The following WBP2NL variants were observed in gnomAD, a reference collection of about 807,000 sequenced individuals.
WBP2NL encodes postacrosomal sheath WW domain-binding protein.
WBP2NL carries 27 observed loss-of-function variants against 23.3 expected under a neutral mutation model. The observed-to-expected ratio is 1.16, with a 90% CI of 0.85 to 1.60. The LOEUF (loss-of-function observed/expected upper bound fraction) is 1.60. Among genes scored for constraint, WBP2NL ranks in the 40% most tolerant of loss-of-function variants. The pLI, the probability that WBP2NL is intolerant of heterozygous loss-of-function variation, is 0.00. For missense variants in WBP2NL, 370 were observed against 389.5 expected (o/e 0.95, Z 0.42); for synonymous variants, 151 against 145.9 (o/e 1.03, Z -0.25).
rs2146803758 is a variant in WBP2NL, at chr22:42,027,917, G to C, written c.*736G>C. The C allele has an allele frequency of 7.5e-6, 3 of 398,438 alleles. No individual in the cohort carries two copies. Among genetic ancestry groups the C allele is most frequent in the East Asian group, 3.6e-5 (1 of 28,030 alleles). The allele number at this position is 398,438 out of a possible 1,614,324, so 24.7% of individuals were successfully genotyped here. ...AATAACCAAGGCAATAGCATGGCCA[G>C]AAAACGTTTGAAAAGATGTTCAGCT... On this transcript the variant is annotated 3_prime_UTR_variant, in exon 6 of 6. Transcript: ENST00000328823.
At chr22:42,002,070 T>C in intron 1 of WBP2NL, 1 of 447,952 alleles carries the variant, frequency 2.2e-6, no homozygotes, top group Non-Finnish European at 3.9e-6. Flanking sequence ...TTTGGGTGTC[T>C]TCTCACTCGG....
At chr22:42,024,407 C>G (rs1602464315) in intron 5 of WBP2NL, among the ~76,000 whole-genome samples, 1 of 152,106 alleles carries the variant, frequency 6.6e-6, no homozygotes, top group East Asian at 1.9e-4. Context: ...TTTGAGGAAC[C>G]ACCAACTATT....
intron 5 of WBP2NL, 95 bp downstream of exon 5, chr22:42,022,451 G>A: frequency 8.8e-7 from 1 of 1,131,024 alleles, no homozygotes; most frequent in African/African-American, 1.6e-5. Flanking sequence ...TGCAGGAGCA[G>A]CAGCAGAGCT....
At chr22:42,020,893 TATATATATATATATA>T (rs1309883651) in intron 4 of WBP2NL, among the ~76,000 whole-genome samples, 30 of 64,158 alleles carry the variant, frequency 4.7e-4, no homozygotes, top group Middle Eastern at 5.7e-3. Flanking sequence ...TATATATATA[TATATATATATATATA>T]TTTTTTTTTT....
chr22:42,027,429 T>C lies in WBP2NL; in HGVS notation c.*248T>C. 1 of 476,856 alleles carries C rather than the reference T, an allele frequency of 2.1e-6. No individual in the cohort carries two copies. The highest frequency in any genetic ancestry group is 3.6e-6 in the Non-Finnish European group (1 of 280,124). 29.5% of individuals were successfully genotyped at this position (476,856 alleles called of 1,614,324 possible). ...ATTGTGGGGCTAATTCCCCAGTAATTTGGTTGACATTGGGTTGCATTTTTA... is the reference window on the plus strand; with the variant it reads ...ATTGTGGGGCTAATTCCCCAGTAATCTGGTTGACATTGGGTTGCATTTTTA... On this transcript the variant is annotated 3_prime_UTR_variant, in exon 6 of 6. Coordinates refer to ENST00000328823, the MANE Select transcript of WBP2NL (RefSeq NM_152613.3).
At chr22:42,045,164 C>T (rs1925537763) in intron 8 of WBP2NL, among the ~76,000 whole-genome samples, 1 of 152,014 alleles carries the variant, frequency 6.6e-6, no homozygotes. Flanking sequence ...CTCGGCCGGG[C>T]GCGGTGGCTC....
intron 1 of WBP2NL, among the ~76,000 whole-genome samples, chr22:42,008,160 TCCTTTCCTTTCTCCCTCCCTTC>T (rs1922463207): frequency 6.8e-6 from 1 of 146,710 alleles, no homozygotes; most frequent in African/African-American, 2.5e-5. Context: ...TCCTTTCCTT[TCCTTTCCTTTCTCCCTCCCTTC>T]CCTCTCCCTC....
chr22:42,014,391 AATTTTTTGTATTCTTTGTAG>A (rs1923118763), intron 1 of WBP2NL, among the ~76,000 whole-genome samples: 1 of 151,832 alleles, frequency 6.6e-6, no homozygotes, highest in South Asian at 2.1e-4. Flanking sequence ...ATGCTTGGCT[AATTTTTTGTATTCTTTGTAG>A]AGATAGGGTT....
In WBP2NL at chr22:42,039,378, C is replaced by T. The variant is rs1408908659; in HGVS notation, c.*273+8555C>T. Reference sequence around the variant, plus strand: ...GGCTTTTTTTTTTTTTTTCCAGTATCAGTGAGGTCTTCCTGTGTTGCCTAG... The same window carrying T: ...GGCTTTTTTTTTTTTTTTCCAGTATTAGTGAGGTCTTCCTGTGTTGCCTAG... On this transcript the variant is annotated intron_variant and NMD_transcript_variant, in intron 8 of 8. Transcript: ENST00000436265. Among the ~76,000 whole-genome samples, 9 of 136,562 alleles carry T rather than the reference C, an allele frequency of 6.6e-5. No individual in the cohort carries two copies. The East Asian group carries it at 1.8e-3, about 28-fold the overall frequency. 89.6% of individuals were successfully genotyped at this position (136,562 alleles called of 152,430 possible). A position where few individuals can be genotyped will look rare whatever the true frequency, so the allele number is the denominator to read the frequency against.
chr22:42,052,339 G>C (rs370461346), intron 8 of WBP2NL, among the ~76,000 whole-genome samples: 1 of 152,226 alleles, frequency 6.6e-6, no homozygotes, highest in African/African-American at 2.4e-5. Flanking sequence ...CTGGAGTACA[G>C]TGGTGTGATC....
rs554525576 is a variant in WBP2NL, at chr22:42,010,631, A to C, written c.63-8680A>C. On this transcript the variant is annotated intron_variant, in intron 1 of 5. Coordinates refer to ENST00000328823, the MANE Select transcript of WBP2NL (RefSeq NM_152613.3). ...TCGGCTCACTGCCAGCTCTGCCTCC[A>C]AGGTTCACGCCATTCTCCTGCCTCA... Among the ~76,000 whole-genome samples, 132 of 151,726 alleles carry C rather than the reference A, an allele frequency of 8.7e-4. 1 individual carries two copies. The highest frequency in any genetic ancestry group is 3.2e-3 in the African/African-American group (131 of 41,366).
chr22:42,016,281 G>A (rs372149623), intron 1 of WBP2NL, among the ~76,000 whole-genome samples: 18 of 151,998 alleles, frequency 1.2e-4, no homozygotes, highest in Admixed American at 7.2e-4. Context: ...GGACCCGGCC[G>A]GAAATGTTTT....
chr22:42,048,738 A>G (rs951675189), intron 8 of WBP2NL, among the ~76,000 whole-genome samples: 2 of 148,804 alleles, frequency 1.3e-5, no homozygotes, highest in African/African-American at 4.9e-5. Flanking sequence ...CCTGGGCGAC[A>G]GAGCGAGACT....
chr22:42,001,320 C>T, intron 1 of WBP2NL: 1 of 692,900 alleles, frequency 1.4e-6, no homozygotes, highest in East Asian at 2.5e-5. Flanking sequence ...GTCTGTGCAT[C>T]ATCCAACTGA....
In WBP2NL at chr22:42,027,051, A is replaced by G; in HGVS notation, c.800A>G (p.Glu267Gly). ...LGYGAPPAGN[E>G]GPPAGYRASP... ...TATGGAGCCCCACCTGCAGGAAATG[A>G]AGGCCCGCCTGCGGGATACAGAGCC... is the stretch of plus-strand genomic sequence containing the variant. Residue 267 changes from glutamate (E) to glycine (G), a missense_variant, in exon 6 of 6, where the codon GAA (glutamate) becomes GGA (glycine). Transcript: ENST00000328823. The G allele has an allele frequency of 6.2e-7, 1 of 1,614,112 alleles. No individual in the cohort carries two copies. Among genetic ancestry groups the G allele is most frequent in the Non-Finnish European group, 8.5e-7 (1 of 1,179,960 alleles).
At chr22:42,001,943 G>T in intron 1 of WBP2NL, 1 of 1,407,922 alleles carries the variant, frequency 7.1e-7, no homozygotes, top group Non-Finnish European at 9.4e-7. Flanking sequence ...AGTCCTTGGC[G>T]AAGGACACAG....
At position 42,056,019 on chromosome 22, in the gene WBP2NL, C is replaced by T. The variant is rs1926014270; in HGVS notation, c.*274-2271C>T. Among the ~76,000 whole-genome samples, 4 of 152,100 alleles carry T rather than the reference C, an allele frequency of 2.6e-5. 1 individual carries two copies. In the South Asian group the frequency reaches 8.3e-4, roughly 32 times the overall value. ...GCATTCTGTCGATCTATGTTTAATCCATTTACATGTAATTATTGATAAGGT... is the reference window on the plus strand; with the variant it reads ...GCATTCTGTCGATCTATGTTTAATCTATTTACATGTAATTATTGATAAGGT... On this transcript the variant is annotated intron_variant and NMD_transcript_variant, in intron 8 of 8. Coordinates refer to the WBP2NL transcript ENST00000436265.
Position 42,019,748 on chromosome 22 carries a change from A to G in WBP2NL, c.258A>G (p.Glu86=). 6.2e-7 allele frequency: 1 copy of G among 1,614,202 alleles called. No individual in the cohort carries two copies. Among genetic ancestry groups the G allele is most frequent in the Admixed American group, 1.7e-5 (1 of 60,022 alleles). ...ATCTGATGACGAACCTCACTGTTGA[A>G]CAACCAGTATTTGCTGCAAACTTCA... The part of the protein sequence containing the change: ...PFDLMTNLTV[E]QPVFAANFIK... The change falls in exon 3 of 6, where the codon GAA becomes GAG. Residue 86 remains glutamate (E), a synonymous_variant. Transcript: ENST00000328823.
chr22:41,998,994 C>A (rs1342145937), intron 1 of WBP2NL, 114 bp downstream of exon 1: 1 of 1,255,648 alleles, frequency 8.0e-7, no homozygotes, highest in Non-Finnish European at 1.1e-6. Flanking sequence ...TTGGGCGCGG[C>A]GCTCTTAGCT....
Sources: gnomAD v4.1 joint callset for allele counts (sites outside exome capture counted in the v4.1 genomes callset) on GRCh38, gnomAD v4.1.1 for gene constraint, MANE v1.5 for transcripts, NCBI Gene and HGNC (gene_info 2026-07-23, HGNC 2026-07-21) for gene names.